TRAPPC8: variants seen among roughly 807,000 people sequenced by gnomAD.
TRAPPC8 encodes trafficking protein particle complex subunit 8, also known as general sporulation gene 1 homolog.
In TRAPPC8, 54 loss-of-function variants were observed where a neutral mutation model predicts 174.3. That is an observed-to-expected ratio of 0.31 (90% CI 0.25 to 0.39). TRAPPC8 has a LOEUF of 0.39. Among genes scored for constraint, TRAPPC8 ranks in the 10% least tolerant of loss-of-function variants. TRAPPC8 has a pLI of 1.00. For synonymous variants in TRAPPC8, 630 were observed against 579.9 expected (o/e 1.09, Z -1.24); for missense variants, 1,531 against 1,699.1 (o/e 0.90, Z 1.74).
At chr18:31,886,300 C>T (rs1358829033) in intron 12 of TRAPPC8, among the ~76,000 whole-genome samples, 6 of 139,574 alleles carry the variant, frequency 4.3e-5, no homozygotes, top group East Asian at 2.1e-4. Context: ...TGAGCCAATA[C>T]GCCCAGCCTG....
chr18:31,887,104 A>G (rs1388283524), intron 12 of TRAPPC8, among the ~76,000 whole-genome samples: 1 of 152,134 alleles, frequency 6.6e-6, no homozygotes, highest in Non-Finnish European at 1.5e-5. Flanking sequence ...TTTAAATTCA[A>G]ATGTCATGAA....
chr18:31,866,672 G>A (rs191218574), intron 18 of TRAPPC8, among the ~76,000 whole-genome samples, 177 bp downstream of exon 18: 98 of 152,256 alleles, frequency 6.4e-4, no homozygotes, highest in African/African-American at 2.2e-3. Context: ...TACTTTTGAC[G>A]CTAGAGATGA....
chr18:31,875,424 G>C lies in TRAPPC8; in HGVS notation c.1729-720C>G, dbSNP rs117136055. On this transcript the variant is annotated intron_variant, in intron 12 of 28. Transcript: ENST00000283351. Reference sequence around the variant, plus strand: ...CATGCTGATCCCAGCCTGCCTGCCTGCCTGCCTGCCTGCCAGAACTCACTG... The same window carrying C: ...CATGCTGATCCCAGCCTGCCTGCCTCCCTGCCTGCCTGCCAGAACTCACTG... 1.8e-4 allele frequency among the ~76,000 whole-genome samples: 27 copies of C among 151,892 alleles called. No individual in the cohort carries two copies. In the East Asian group the frequency reaches 5.0e-3, roughly 28 times the overall value.
At chr18:31,844,818 G>C (rs1330491577) in intron 26 of TRAPPC8, among the ~76,000 whole-genome samples, 1 of 151,910 alleles carries the variant, frequency 6.6e-6, no homozygotes, top group African/African-American at 2.4e-5. Flanking sequence ...AGGAAAAACA[G>C]TAACTTGACT....
chr18:31,861,549 AG>A (rs1383311396), intron 19 of TRAPPC8, among the ~76,000 whole-genome samples: 7 of 152,218 alleles, frequency 4.6e-5, no homozygotes, highest in Non-Finnish European at 5.9e-5. Context: ...CTCTATTCAT[AG>A]GAATATGTTA....
At chr18:31,880,448 C>T (rs1008769250) in intron 12 of TRAPPC8, among the ~76,000 whole-genome samples, 1 of 151,792 alleles carries the variant, frequency 6.6e-6, no homozygotes, top group Non-Finnish European at 1.5e-5. Context: ...GTCCAAAATC[C>T]CTTCATGATA....
At chr18:31,836,644 T>C (rs564224083) in intron 27 of TRAPPC8, among the ~76,000 whole-genome samples, 1 of 152,268 alleles carries the variant, frequency 6.6e-6, no homozygotes, top group East Asian at 1.9e-4. Flanking sequence ...TTTTCACTTA[T>C]GGTTGCATAT....
chr18:31,916,405 G>C lies in TRAPPC8; in HGVS notation c.484C>G (p.Gln162Glu), dbSNP rs1171436106. 12 of 1,613,328 alleles carry C rather than the reference G, an allele frequency of 7.4e-6. No homozygotes were observed. Among genetic ancestry groups the C allele is most frequent in the Admixed American group, 1.7e-5 (1 of 59,846 alleles). The change falls in exon 4 of 29, where the codon CAG (glutamine) becomes GAG (glutamate). Residue 162 changes from glutamine to glutamate, a missense_variant. Physicochemically the swap from Gln to Glu is conservative, Grantham distance 29. Transcript: ENST00000283351. The part of the protein sequence containing the change: ...ASSSEAEPVE[Q>E]FSKLSQEQHR... ...TGTTCTTGTGACAACTTTGAAAACTGTTCCACAGGTTCAGCTTCACTAGAT... is the reference window on the plus strand; with the variant it reads ...TGTTCTTGTGACAACTTTGAAAACTCTTCCACAGGTTCAGCTTCACTAGAT...
chr18:31,844,891 C>T (rs1319071109), intron 26 of TRAPPC8, among the ~76,000 whole-genome samples: 1 of 152,146 alleles, frequency 6.6e-6, no homozygotes, highest in Non-Finnish European at 1.5e-5. Context: ...ACATCATGCA[C>T]TTTCTTATGC....
At chr18:31,932,611 T>C (rs1263237848) in intron 1 of TRAPPC8, among the ~76,000 whole-genome samples, 1 of 152,090 alleles carries the variant, frequency 6.6e-6, no homozygotes, top group Non-Finnish European at 1.5e-5. Flanking sequence ...GAAGACAGTG[T>C]CCACAGTCCA....
chr18:31,921,430 A>G (rs2037383998), intron 2 of TRAPPC8, among the ~76,000 whole-genome samples: 1 of 152,038 alleles, frequency 6.6e-6, no homozygotes, highest in East Asian at 1.9e-4. Context: ...CCTGACCAAC[A>G]TGGAGAAACC....
intron 27 of TRAPPC8, among the ~76,000 whole-genome samples, chr18:31,834,900 A>G (rs2032618408): frequency 6.6e-6 from 1 of 152,072 alleles, no homozygotes; most frequent in Non-Finnish European, 1.5e-5. Flanking sequence ...ATGCTTCCTT[A>G]TATCCTCCAT....
intron 3 of TRAPPC8, among the ~76,000 whole-genome samples, chr18:31,916,738 T>G (rs1228370270): frequency 6.6e-6 from 1 of 151,318 alleles, no homozygotes; most frequent in Non-Finnish European, 1.5e-5. Flanking sequence ...TTCACCATGT[T>G]GGCCAGGCTG....
At chr18:31,862,989 T>C (rs1268037497) in intron 19 of TRAPPC8, among the ~76,000 whole-genome samples, 2 of 147,056 alleles carry the variant, frequency 1.4e-5, no homozygotes, top group African/African-American at 2.5e-5. Flanking sequence ...GAGACGGAGG[T>C]TGCAGTGAGC....
At chr18:31,861,572 T>C (rs532333198) in intron 19 of TRAPPC8, among the ~76,000 whole-genome samples, 9 of 152,254 alleles carry the variant, frequency 5.9e-5, no homozygotes, top group South Asian at 2.1e-4. Flanking sequence ...TTGAGAAGCA[T>C]TGCATTTAAA....
At chr18:31,846,845 A>G (rs1376300907) in intron 25 of TRAPPC8, 28 bp from the exon 26 acceptor site, 1 of 1,555,010 alleles carries the variant, frequency 6.4e-7, no homozygotes, top group Non-Finnish European at 8.8e-7. Context: ...CAAAAACGTT[A>G]CCGTGCTTGA....
intron 2 of TRAPPC8, among the ~76,000 whole-genome samples, chr18:31,918,090 C>T (rs554702634): frequency 2.6e-5 from 4 of 152,230 alleles, no homozygotes; most frequent in East Asian, 1.9e-4. Flanking sequence ...CACACCACTG[C>T]ACTCCAGCCT....
At chr18:31,927,323 C>T (rs763288379) in intron 2 of TRAPPC8, among the ~76,000 whole-genome samples, 52 of 151,846 alleles carry the variant, frequency 3.4e-4, no homozygotes, top group Non-Finnish European at 5.9e-4. Flanking sequence ...AGTGCAGTGG[C>T]GTGATCTCGG....
intron 1 of TRAPPC8, among the ~76,000 whole-genome samples, chr18:31,934,224 T>A (rs1310475402): frequency 6.6e-6 from 1 of 151,496 alleles, no homozygotes; most frequent in Non-Finnish European, 1.5e-5. Context: ...TGATAGTGGT[T>A]GCCTATAAAA....
Sources: allele counts gnomAD v4.1 joint callset (sites outside exome capture counted in the v4.1 genomes callset), GRCh38; gene constraint gnomAD v4.1.1; transcripts MANE v1.5; gene names NCBI Gene and HGNC (gene_info 2026-07-23, HGNC 2026-07-21).